GBE1: variants seen among roughly 807,000 people sequenced by gnomAD.
The protein encoded by GBE1 is 1,4-alpha-glucan-branching enzyme.
GBE1 carries 70 observed loss-of-function variants against 88.8 expected under a neutral mutation model. That is an observed-to-expected ratio of 0.79 (90% confidence interval 0.65 to 0.96). GBE1 has a LOEUF of 0.96. Among genes scored for constraint, GBE1 ranks in the 40% least tolerant of loss-of-function variants. GBE1 has a pLI of 0.00. For synonymous variants in GBE1, 284 were observed against 300.1 expected (o/e 0.95, Z 0.56); for missense variants, 872 against 871.0 (o/e 1.00, Z -0.01).
chr3:81,747,660 CT>C (rs1361471004), intron 1 of GBE1, among the ~76,000 whole-genome samples: 1 of 152,222 alleles, frequency 6.6e-6, no homozygotes, highest in Non-Finnish European at 1.5e-5. Context: ...TGAAAAGGCC[CT>C]GCCCCGCCTT....
At position 81,645,193 on chromosome 3, in the gene GBE1, G is replaced by A. The variant is rs575269370; in HGVS notation, c.782+1199C>T. ...GGATGAGACTTGATGAGATCCTCCCGAATATTTCATACAGATGAAGAAGAG... is the reference window on the plus strand; with the variant it reads ...GGATGAGACTTGATGAGATCCTCCCAAATATTTCATACAGATGAAGAAGAG... On this transcript the variant is annotated intron_variant, in intron 6 of 15. Coordinates refer to ENST00000429644, the MANE Select transcript of GBE1 (RefSeq NM_000158.4). Among the ~76,000 whole-genome samples the A allele has an allele frequency of 5.9e-5, 9 of 152,236 alleles. 1 individual carries two copies. In the South Asian group the frequency reaches 1.2e-3, roughly 21 times the overall value.
chr3:81,608,026 C>A (rs944095281), intron 7 of GBE1, among the ~76,000 whole-genome samples: 1 of 152,092 alleles, frequency 6.6e-6, no homozygotes, highest in Non-Finnish European at 1.5e-5. Context: ...GTGTATTAAC[C>A]CCACAAGTCC....
intron 7 of GBE1, among the ~76,000 whole-genome samples, chr3:81,633,694 A>T (rs1704549708): frequency 6.6e-6 from 1 of 152,216 alleles, no homozygotes; most frequent in South Asian, 2.1e-4. Flanking sequence ...GAGGTTTATA[A>T]AATTACCATT....
At chr3:81,617,298 T>C (rs1042667008) in intron 7 of GBE1, among the ~76,000 whole-genome samples, 4 of 152,024 alleles carry the variant, frequency 2.6e-5, no homozygotes, top group African/African-American at 7.2e-5. Flanking sequence ...AGTGGACTTC[T>C]TTGTCTTGTT....
intron 1 of GBE1, among the ~76,000 whole-genome samples, chr3:81,719,769 T>C (rs2107187749): frequency 6.6e-6 from 1 of 152,310 alleles, no homozygotes; most frequent in South Asian, 2.1e-4. Context: ...TCAAACAAGA[T>C]GGTTATATCA....
At chr3:81,603,182 C>G (rs1360803311) in intron 7 of GBE1, among the ~76,000 whole-genome samples, 1 of 152,038 alleles carries the variant, frequency 6.6e-6, no homozygotes, top group African/African-American at 2.4e-5. Flanking sequence ...ATGTAAAAGC[C>G]TGTCAAGCAA....
At chr3:81,622,007 G>GCTAAATCCCATCAGCTGAACTATCAC (rs1240219994) in intron 7 of GBE1, among the ~76,000 whole-genome samples, 2 of 152,108 alleles carry the variant, frequency 1.3e-5, no homozygotes, top group Admixed American at 1.3e-4. Flanking sequence ...AACCCTATCA[G>GCTAAATCCCATCAGCTGAACTATCAC]CTAAATCCCA....
At chr3:81,509,464 A>G (rs1702696624) in intron 14 of GBE1, 1 of 151,868 alleles carries the variant, frequency 6.6e-6, no homozygotes, top group South Asian at 2.1e-4. Context: ...TTATAAATTT[A>G]ATTATTACAT....
At chr3:81,568,814 G>C (rs1380081226) in intron 12 of GBE1, among the ~76,000 whole-genome samples, 3 of 152,078 alleles carry the variant, frequency 2.0e-5, no homozygotes, top group African/African-American at 7.2e-5. Flanking sequence ...GTGAGTATAT[G>C]TGAAGACATA....
intron 11 of GBE1, among the ~76,000 whole-genome samples, chr3:81,578,749 C>T (rs1473133323): frequency 1.3e-5 from 2 of 151,776 alleles, no homozygotes; most frequent in Non-Finnish European, 2.9e-5. Context: ...GCAGAGAGAC[C>T]TCCTAAAAAT....
At chr3:81,585,330 G>T (rs1038084080) in intron 10 of GBE1, among the ~76,000 whole-genome samples, 2 of 151,970 alleles carry the variant, frequency 1.3e-5, no homozygotes, top group Non-Finnish European at 2.9e-5. Flanking sequence ...TACAACTGTG[G>T]TCTCATGGCA....
At chr3:81,547,108 G>A (rs778030368) in intron 12 of GBE1, among the ~76,000 whole-genome samples, 6 of 151,260 alleles carry the variant, frequency 4.0e-5, no homozygotes, top group Admixed American at 1.3e-4. Flanking sequence ...GCGAACTTTC[G>A]GCACGTGGGG....
intron 14 of GBE1, among the ~76,000 whole-genome samples, chr3:81,531,414 C>T (rs1396489391): frequency 1.3e-5 from 2 of 151,836 alleles, no homozygotes; most frequent in Non-Finnish European, 1.5e-5. Flanking sequence ...ATGGCCAACA[C>T]ATCTGGGAAT....
chr3:81,690,218 C>T (rs1320053112), intron 2 of GBE1, among the ~76,000 whole-genome samples: 3 of 152,186 alleles, frequency 2.0e-5, no homozygotes, highest in Non-Finnish European at 4.4e-5. Context: ...GACTTAAGTT[C>T]TCTGACATCC....
At chr3:81,643,594 CCTTT>C (rs2107061016) in intron 6 of GBE1, among the ~76,000 whole-genome samples, 2 of 152,240 alleles carry the variant, frequency 1.3e-5, no homozygotes, top group African/African-American at 4.8e-5. Flanking sequence ...CAGAAGAATG[CCTTT>C]CTTAACCTGT....
intron 12 of GBE1, among the ~76,000 whole-genome samples, chr3:81,557,206 A>C (rs1703360096): frequency 6.6e-6 from 1 of 152,102 alleles, no homozygotes. Context: ...ATTATAAAAA[A>C]GATACCGACC....
At chr3:81,629,646 G>C (rs2107031723) in intron 7 of GBE1, among the ~76,000 whole-genome samples, 1 of 152,232 alleles carries the variant, frequency 6.6e-6, no homozygotes, top group Non-Finnish European at 1.5e-5. Context: ...TTCACATGGG[G>C]CTACTGAGCC....
intron 12 of GBE1, 41 bp from the exon 13 acceptor site, chr3:81,537,136 T>C (rs773316808): frequency 3.0e-5 from 34 of 1,140,370 alleles, no homozygotes; most frequent in Non-Finnish European, 4.0e-5. Flanking sequence ...CTATTAATAT[T>C]AGAATTTCTT....
chr3:81,519,277 TG>T (rs1486366984), intron 14 of GBE1, among the ~76,000 whole-genome samples: 3 of 151,604 alleles, frequency 2.0e-5, no homozygotes. Context: ...AGTGGTTTAA[TG>T]AAAATATTTC....
Sources: gnomAD v4.1 joint callset for allele counts (sites outside exome capture counted in the v4.1 genomes callset) on GRCh38, gnomAD v4.1.1 for gene constraint, MANE v1.5 for transcripts, NCBI Gene and HGNC (gene_info 2026-07-23, HGNC 2026-07-21) for gene names.